Variants in SLC44A5 observed in about 807,000 individuals in gnomAD.
The protein encoded by SLC44A5 is solute carrier family 44 member 5.
In SLC44A5, 57 loss-of-function variants were observed where a neutral mutation model predicts 101.8. The observed-to-expected ratio is 0.56, with a 90% CI of 0.45 to 0.70. The LOEUF (loss-of-function observed/expected upper bound fraction) is 0.70. SLC44A5 is among the 30% of genes least tolerant of loss of function. SLC44A5 has a pLI of 0.00. For synonymous variants in SLC44A5, 281 were observed against 290.9 expected (o/e 0.97, Z 0.35); for missense variants, 737 against 853.1 (o/e 0.86, Z 1.70).
chr1:75,604,977 T>C (rs193157228), intron 1 of SLC44A5, among the ~76,000 whole-genome samples: 1 of 152,144 alleles, frequency 6.6e-6, no homozygotes, highest in East Asian at 1.9e-4. Flanking sequence ...TTGGATGCCT[T>C]TTCTTTCTTT....
chr1:75,505,686 T>C (rs1669214217), intron 2 of SLC44A5, among the ~76,000 whole-genome samples: 1 of 152,188 alleles, frequency 6.6e-6, no homozygotes, highest in Admixed American at 6.5e-5. Context: ...CTTTGCCCAC[T>C]TTTTAATGGG....
intron 6 of SLC44A5, among the ~76,000 whole-genome samples, chr1:75,255,611 C>T (rs533129185): frequency 2.0e-5 from 3 of 151,834 alleles, no homozygotes; most frequent in African/African-American, 7.3e-5. Context: ...GGATAAAAAT[C>T]GCAAAGAAAT....
chr1:75,212,589 A>G (rs559392359), intron 22 of SLC44A5, among the ~76,000 whole-genome samples: 1 of 152,206 alleles, frequency 6.6e-6, no homozygotes, highest in African/African-American at 2.4e-5. Context: ...TATCCAGTCT[A>G]TAATTGATGA....
In SLC44A5 at chr1:75,415,850, A is replaced by C. The variant is rs1373729108; in HGVS notation, c.14-19229T>G. On this transcript the variant is annotated intron_variant, in intron 2 of 23. Coordinates refer to ENST00000370859, the MANE Select transcript of SLC44A5 (RefSeq NM_001130058.2). ...GGCCTAGAGATTTATGGAACTTTGAACTTGAGAGTGATGATTTAGGGTACC... is the reference window on the plus strand; with the variant it reads ...GGCCTAGAGATTTATGGAACTTTGACCTTGAGAGTGATGATTTAGGGTACC... Among the ~76,000 whole-genome samples the C allele has an allele frequency of 2.0e-5, 3 of 152,162 alleles. No homozygotes were observed. In the East Asian group the frequency reaches 5.8e-4, roughly 29 times the overall value.
intron 2 of SLC44A5, among the ~76,000 whole-genome samples, chr1:75,534,793 G>A (rs1570550515): frequency 6.6e-6 from 1 of 152,114 alleles, no homozygotes; most frequent in African/African-American, 2.4e-5. Flanking sequence ...TAATTACTCA[G>A]TTTAAATTAT....
chr1:75,351,985 T>G (rs1036609928), intron 3 of SLC44A5, among the ~76,000 whole-genome samples: 8 of 151,930 alleles, frequency 5.3e-5, no homozygotes, highest in African/African-American at 1.9e-4. Context: ...AAATCCCCCT[T>G]TTTTAAGCAC....
chr1:75,689,472 A>G, the SLC44A5 span, among the ~76,000 whole-genome samples: 1 of 152,186 alleles, frequency 6.6e-6, no homozygotes, highest in African/African-American at 2.4e-5. Flanking sequence ...GTATGGCAGG[A>G]TTATACAGGA....
the SLC44A5 span, among the ~76,000 whole-genome samples, chr1:75,663,438 T>A: frequency 6.6e-6 from 1 of 152,164 alleles, no homozygotes; most frequent in Admixed American, 6.5e-5. Context: ...AAGTGCTTGT[T>A]CTTTAAGCCA....
In SLC44A5 at chr1:75,237,083, A is replaced by G. The variant is rs1229598141; in HGVS notation, c.657-13T>C. 2 of 1,540,210 alleles carry G rather than the reference A, an allele frequency of 1.3e-6. No homozygotes were observed. The highest frequency in any genetic ancestry group is 1.7e-5 in the Admixed American group (1 of 59,088). On this transcript the variant is annotated splice_polypyrimidine_tract_variant and intron_variant, in intron 10 of 23. Transcript: ENST00000370859. ...TTTATTGATACCACTGCATTGAAAGAAGGGAAAAAATCAATTATTTTTTGA... is the reference window on the plus strand; with the variant it reads ...TTTATTGATACCACTGCATTGAAAGGAGGGAAAAAATCAATTATTTTTTGA...
At chr1:75,244,966 T>C (rs1183248996) in intron 7 of SLC44A5, among the ~76,000 whole-genome samples, 1 of 152,092 alleles carries the variant, frequency 6.6e-6, no homozygotes, top group Non-Finnish European at 1.5e-5. Context: ...GCTCAACTCA[T>C]TGGCAGTTAG....
At chr1:75,431,945 A>G (rs970891703) in intron 2 of SLC44A5, among the ~76,000 whole-genome samples, 8 of 152,092 alleles carry the variant, frequency 5.3e-5, no homozygotes, top group Non-Finnish European at 8.8e-5. Context: ...CACAGTGTCG[A>G]ATTTTAGTGC....
chr1:75,532,561 C>A (rs1367511688), intron 2 of SLC44A5, among the ~76,000 whole-genome samples: 1 of 152,170 alleles, frequency 6.6e-6, no homozygotes, highest in Non-Finnish European at 1.5e-5. Flanking sequence ...CCCTTCCCTG[C>A]TTTATTTTTC....
intron 2 of SLC44A5, among the ~76,000 whole-genome samples, chr1:75,446,508 C>T (rs1163219407): frequency 6.6e-6 from 1 of 152,128 alleles, no homozygotes; most frequent in Non-Finnish European, 1.5e-5. Context: ...ATCTCTCCCT[C>T]TTTATTATGC....
At chr1:75,312,608 T>C (rs1655394439) in intron 4 of SLC44A5, among the ~76,000 whole-genome samples, 1 of 151,904 alleles carries the variant, frequency 6.6e-6, no homozygotes. Flanking sequence ...CCCTCGATCT[T>C]GGACTTCCCA....
intron 2 of SLC44A5, among the ~76,000 whole-genome samples, chr1:75,498,101 T>G (rs1441915678): frequency 1.3e-5 from 2 of 152,192 alleles, no homozygotes; most frequent in Non-Finnish European, 2.9e-5. Flanking sequence ...TATGTATACA[T>G]TAAGACTTTT....
At chr1:75,464,488 AG>A (rs1216131286) in intron 2 of SLC44A5, among the ~76,000 whole-genome samples, 1 of 152,074 alleles carries the variant, frequency 6.6e-6, no homozygotes, top group Admixed American at 6.5e-5. Flanking sequence ...AAGGAAGGAA[AG>A]GGAAGAAAAG....
At chr1:75,476,385 G>A (rs1230909746) in intron 2 of SLC44A5, among the ~76,000 whole-genome samples, 1 of 152,152 alleles carries the variant, frequency 6.6e-6, no homozygotes, top group Non-Finnish European at 1.5e-5. Flanking sequence ...ACTAGGGAGT[G>A]CCAGACAGTG....
At chr1:75,614,989 G>T (rs912828725), upstream of SLC44A5, among the ~76,000 whole-genome samples, 1 of 152,056 alleles carries the variant, frequency 6.6e-6, no homozygotes, top group Non-Finnish European at 1.5e-5. Context: ...CTCCCCGCGC[G>T]CCGGCTCTGC....
At chr1:75,533,381 G>C (rs1334117818) in intron 2 of SLC44A5, among the ~76,000 whole-genome samples, 1 of 152,054 alleles carries the variant, frequency 6.6e-6, no homozygotes, top group African/African-American at 2.4e-5. Flanking sequence ...TATCCATGTT[G>C]TCCTTAAATA....
Sources: gnomAD v4.1 joint callset for allele counts (sites outside exome capture counted in the v4.1 genomes callset) on GRCh38, gnomAD v4.1.1 for gene constraint, MANE v1.5 for transcripts, NCBI Gene and HGNC (gene_info 2026-07-23, HGNC 2026-07-21) for gene names.